FHIT: variants seen among roughly 807,000 people sequenced by gnomAD.
FHIT encodes bis(5'-adenosyl)-triphosphatase.
A neutral mutation model predicts 17.9 loss-of-function variants in FHIT; 19 were observed. The ratio of observed to expected loss-of-function variants is 1.06; its 90% CI spans 0.74 to 1.56. The LOEUF is 1.56. Ranked by LOEUF, FHIT falls within the 40% of genes most tolerant of loss-of-function variation. The pLI, the probability that FHIT is intolerant of heterozygous loss-of-function variation, is 0.00. For missense variants in FHIT, 248 were observed against 189.2 expected, an observed-to-expected ratio of 1.31 and a Z score of -1.82; for synonymous variants, 81 against 69.7, an observed-to-expected ratio of 1.16 and a Z score of -0.81.
chr3:60,691,747 A>G (rs2040996776), intron 4 of FHIT, among the ~76,000 whole-genome samples: 3 of 152,140 alleles, frequency 2.0e-5, no homozygotes, highest in African/African-American at 4.8e-5. Flanking sequence ...TCTCTTTACA[A>G]TATTTTCTTG....
intron 5 of FHIT, among the ~76,000 whole-genome samples, chr3:60,125,835 A>G (rs1464395854): frequency 6.6e-6 from 1 of 152,136 alleles, no homozygotes; most frequent in Non-Finnish European, 1.5e-5. Flanking sequence ...CTAAAAAAAC[A>G]ATGCTTTGAA....
intron 4 of FHIT, among the ~76,000 whole-genome samples, chr3:60,648,460 T>C (rs1553687371): frequency 6.6e-6 from 1 of 151,750 alleles, no homozygotes; most frequent in East Asian, 1.9e-4. Context: ...CCTGGTCTAG[T>C]GTAGCAGGTG....
At position 60,151,503 on chromosome 3, in the gene FHIT, C is replaced by G. The variant is rs190363128; in HGVS notation, c.104-137351G>C. Among the ~76,000 whole-genome samples the G allele has an allele frequency of 5.3e-5, 8 of 152,242 alleles. No individual in the cohort carries two copies. The East Asian group carries it at 1.5e-3, about 29-fold the overall frequency. On this transcript the variant is annotated intron_variant, in intron 5 of 9. Transcript: ENST00000492590. Reference sequence around the variant, plus strand: ...TAAAAAATAAATAAACAGATGAGATCACAGCACTACTTAACACCTCTAACG... The same window carrying G: ...TAAAAAATAAATAAACAGATGAGATGACAGCACTACTTAACACCTCTAACG...
intron 8 of FHIT, among the ~76,000 whole-genome samples, chr3:59,788,881 G>GTTTTTTTTGTTTTTTTTTTTTTT (rs1553677019): frequency 3.5e-5 from 3 of 86,840 alleles, no homozygotes; most frequent in African/African-American, 1.4e-4. Context: ...GAGTTCATAT[G>GTTTTTTTTGTTTTTTTTTTTTTT]TTTTTTTTTT....
chr3:60,472,985 T>C (rs988538010), intron 5 of FHIT, among the ~76,000 whole-genome samples: 3 of 152,206 alleles, frequency 2.0e-5, no homozygotes, highest in Admixed American at 6.5e-5. Flanking sequence ...ATGTTTCTTA[T>C]TATATTCATT....
At chr3:60,104,686 G>C (rs1704335335) in intron 5 of FHIT, among the ~76,000 whole-genome samples, 1 of 152,014 alleles carries the variant, frequency 6.6e-6, no homozygotes, top group Non-Finnish European at 1.5e-5. Context: ...GGTGAGATCA[G>C]AAAGAGAAAC....
chr3:59,948,873 T>G (rs1468433888), intron 7 of FHIT, among the ~76,000 whole-genome samples: 1 of 151,620 alleles, frequency 6.6e-6, no homozygotes, highest in African/African-American at 2.4e-5. Flanking sequence ...TACTATAGAC[T>G]TTTTTTCCTT....
At chr3:61,141,599 A>G (rs2037083150) in intron 2 of FHIT, among the ~76,000 whole-genome samples, 1 of 151,780 alleles carries the variant, frequency 6.6e-6, no homozygotes, top group African/African-American at 2.4e-5. Context: ...CACAGAAACT[A>G]TCTCTTACGA....
chr3:60,937,774 G>A (rs1332091158), intron 3 of FHIT, among the ~76,000 whole-genome samples: 2 of 151,966 alleles, frequency 1.3e-5, no homozygotes, highest in African/African-American at 4.8e-5. Context: ...ACATTGTTCA[G>A]GCTGGTCTTC....
At chr3:61,001,740 G>T (rs759266309) in intron 3 of FHIT, among the ~76,000 whole-genome samples, 6 of 152,128 alleles carry the variant, frequency 3.9e-5, no homozygotes, top group Non-Finnish European at 8.8e-5. Flanking sequence ...AGTGGTTGTG[G>T]TTTCATGAAG....
chr3:60,308,363 A>T (rs1183055936), intron 5 of FHIT, among the ~76,000 whole-genome samples: 1 of 152,048 alleles, frequency 6.6e-6, no homozygotes, highest in Non-Finnish European at 1.5e-5. Flanking sequence ...TTCTGTTTAC[A>T]GGGTTAACTG....
chr3:60,788,573 G>A (rs1188952564), intron 4 of FHIT, among the ~76,000 whole-genome samples: 3 of 152,066 alleles, frequency 2.0e-5, no homozygotes, highest in Non-Finnish European at 4.4e-5. Flanking sequence ...AGGAAGACGT[G>A]GATACTAGGG....
chr3:59,904,227 T>TAAAA (rs10691217), intron 8 of FHIT, among the ~76,000 whole-genome samples: 1 of 132,366 alleles, frequency 7.6e-6, no homozygotes, highest in African/African-American at 2.9e-5. Flanking sequence ...AAATCATGGT[T>TAAAA]AAAAAAAAAA....
chr3:60,345,425 A>G (rs577707696), intron 5 of FHIT, among the ~76,000 whole-genome samples: 4 of 152,326 alleles, frequency 2.6e-5, no homozygotes, highest in African/African-American at 9.6e-5. Flanking sequence ...AATACCTACA[A>G]TCACACTGTT....
intron 5 of FHIT, among the ~76,000 whole-genome samples, chr3:60,111,504 G>T (rs966695928): frequency 6.6e-6 from 1 of 152,154 alleles, no homozygotes; most frequent in South Asian, 2.1e-4. Context: ...GTTTCTTCCA[G>T]CAATGTAATT....
chr3:60,453,974 A>G (rs773953761), intron 5 of FHIT, among the ~76,000 whole-genome samples: 50 of 152,086 alleles, frequency 3.3e-4, no homozygotes, highest in Non-Finnish European at 6.3e-4. Flanking sequence ...GAGAAAAAAA[A>G]ATAACCTAAG....
At chr3:60,113,060 C>A (rs892218478) in intron 5 of FHIT, among the ~76,000 whole-genome samples, 2 of 152,186 alleles carry the variant, frequency 1.3e-5, no homozygotes, top group Non-Finnish European at 2.9e-5. Flanking sequence ...TCCTGACCAT[C>A]CAATCTCAAG....
intron 5 of FHIT, among the ~76,000 whole-genome samples, chr3:60,499,659 A>G (rs9833497): frequency 0.21 from 31,231 of 148,992 alleles, 3,543 homozygotes; most frequent in Middle Eastern, 0.36. Flanking sequence ...GATTACAGGC[A>G]TGAGCCACCG....
intron 3 of FHIT, among the ~76,000 whole-genome samples, chr3:60,910,468 GT>G (rs1706684494): frequency 1.3e-5 from 2 of 148,872 alleles, no homozygotes; most frequent in African/African-American, 2.5e-5. Flanking sequence ...CTGGAGTGCA[GT>G]GGCGCAATCT....
Sources: gnomAD v4.1 joint callset for allele counts (sites outside exome capture counted in the v4.1 genomes callset) on GRCh38, gnomAD v4.1.1 for gene constraint, MANE v1.5 for transcripts, NCBI Gene and HGNC (gene_info 2026-07-23, HGNC 2026-07-21) for gene names.